NRXN3: variants seen among roughly 807,000 people sequenced by gnomAD.
NRXN3 encodes the protein neurexin III.
In NRXN3, 32 loss-of-function variants were observed where a neutral mutation model predicts 137.6. The observed-to-expected ratio is 0.23, with a 90% confidence interval of 0.18 to 0.31. NRXN3 has a LOEUF of 0.31. Ranked by LOEUF, NRXN3 falls within the 10% of genes least tolerant of loss-of-function variation. The probability of loss-of-function intolerance (pLI) is 1.00; values close to 1 mark genes in which losing one functional copy is unlikely to be tolerated. For missense variants in NRXN3, 1,574 were observed against 2,062.5 expected, an observed-to-expected ratio of 0.76 and a Z score of 4.59; for synonymous variants, 798 against 784.5, an observed-to-expected ratio of 1.02 and a Z score of -0.29.
At chr14:79,666,969 C>T (rs2098561356) in intron 17 of NRXN3, among the ~76,000 whole-genome samples, 2 of 151,872 alleles carry the variant, frequency 1.3e-5, no homozygotes, top group African/African-American at 2.4e-5. Flanking sequence ...GTTTATGTTC[C>T]ACTCTGCCAA....
intron 6 of NRXN3, among the ~76,000 whole-genome samples, chr14:78,671,993 G>A (rs2097940942): frequency 6.6e-6 from 1 of 152,134 alleles, no homozygotes; most frequent in Non-Finnish European, 1.5e-5. Context: ...TCCTTTCAAA[G>A]CAGCTTGCCA....
chr14:78,693,656 CGTGTGTGTGTGTGTGTGTGT>C lies in NRXN3; in HGVS notation c.1222-15524_1222-15505del, dbSNP rs4016744. ...TGCAATAGCTTTTCAAGTTGATTTT[CGTGTGTGTGTGTGTGTGTGT>C]GTGTGTGTGTGTGTGTGTGTGTGTG... On this transcript the variant is annotated intron_variant, in intron 6 of 20. Transcript: ENST00000335750. Among the ~76,000 whole-genome samples the C allele has an allele frequency of 3.4e-3, 390 of 113,992 alleles. 5 individuals are homozygous for C. Among genetic ancestry groups the C allele is most frequent in the African/African-American group, 7.8e-3 (238 of 30,674 alleles). The allele number at this position is 113,992 out of a possible 152,430, so 74.8% of individuals were successfully genotyped here.
At chr14:78,317,904 A>G (rs1332448874) in intron 4 of NRXN3, among the ~76,000 whole-genome samples, 5 of 152,216 alleles carry the variant, frequency 3.3e-5, no homozygotes, top group South Asian at 2.1e-4. Context: ...AAAATGCACT[A>G]AAGAGTTGGT....
At chr14:79,633,146 G>A (rs1351905652) in intron 16 of NRXN3, 2 of 152,134 alleles carry the variant, frequency 1.3e-5, no homozygotes, top group Admixed American at 6.5e-5. Flanking sequence ...CTGCCTTCCC[G>A]TGGTATCATT....
intron 20 of NRXN3, among the ~76,000 whole-genome samples, chr14:79,832,774 T>G (rs1327835150): frequency 6.6e-6 from 1 of 152,182 alleles, no homozygotes; most frequent in East Asian, 1.9e-4. Context: ...AAAAAAAACA[T>G]AAATTGCCCT....
chr14:79,127,591 G>C (rs1257049045), intron 15 of NRXN3, among the ~76,000 whole-genome samples: 1 of 152,220 alleles, frequency 6.6e-6, no homozygotes, highest in Non-Finnish European at 1.5e-5. Context: ...TTGTAGTATA[G>C]TTTGAAGTCA....
At chr14:79,725,208 T>C (rs145247912) in intron 19 of NRXN3, among the ~76,000 whole-genome samples, 1 of 152,304 alleles carries the variant, frequency 6.6e-6, no homozygotes, top group African/African-American at 2.4e-5. Context: ...GGGCAAACAT[T>C]GGCTGCGGGC....
intron 3 of NRXN3, among the ~76,000 whole-genome samples, chr14:78,285,483 C>T (rs1040533903): frequency 6.6e-6 from 1 of 152,126 alleles, no homozygotes; most frequent in East Asian, 1.9e-4. Flanking sequence ...ATAAGTACCT[C>T]ACTGATACAA....
At chr14:79,092,521 A>C (rs998222082) in intron 15 of NRXN3, among the ~76,000 whole-genome samples, 4 of 152,164 alleles carry the variant, frequency 2.6e-5, no homozygotes, top group Non-Finnish European at 5.9e-5. Flanking sequence ...TAAAAGTTTT[A>C]GTTTTAATAA....
intron 15 of NRXN3, among the ~76,000 whole-genome samples, chr14:79,127,181 T>G (rs535358323): frequency 2.8e-4 from 43 of 152,200 alleles, no homozygotes; most frequent in Non-Finnish European, 5.4e-4. Context: ...TTAGTTTAAT[T>G]AGATCCCATT....
chr14:79,286,356 T>C (rs1211008012), intron 15 of NRXN3, among the ~76,000 whole-genome samples: 2 of 152,100 alleles, frequency 1.3e-5, no homozygotes, highest in East Asian at 3.9e-4. Context: ...TAACTAAGTA[T>C]AAATTTCTCG....
intron 15 of NRXN3, among the ~76,000 whole-genome samples, chr14:79,176,361 G>T (rs2062345327): frequency 6.6e-6 from 1 of 152,090 alleles, no homozygotes; most frequent in South Asian, 2.1e-4. Context: ...TTAAATAATT[G>T]AATTAGAATG....
intron 20 of NRXN3, among the ~76,000 whole-genome samples, chr14:79,835,420 A>G (rs1235947454): frequency 4.6e-5 from 7 of 152,142 alleles, no homozygotes; most frequent in Non-Finnish European, 8.8e-5. Context: ...CCTCTGTACC[A>G]TAACGCTTTT....
chr14:78,468,035 T>A (rs2095164089), intron 4 of NRXN3, among the ~76,000 whole-genome samples: 1 of 152,170 alleles, frequency 6.6e-6, no homozygotes, highest in African/African-American at 2.4e-5. Context: ...GCAATTCTCC[T>A]GCCTCAGCCT....
At chr14:79,287,539 A>G (rs12587509) in intron 15 of NRXN3, among the ~76,000 whole-genome samples, 16,069 of 152,202 alleles carry the variant, frequency 0.11, 1,076 homozygotes, top group East Asian at 0.33. Context: ...AGGTGTTTTT[A>G]GGGACAACTA....
rs1208339976 is a variant in NRXN3, at chr14:79,791,474, A to ATATTGTAATAATTATAATTAAT, written c.4015-13634_4015-13613dup. The stretch of plus-strand genomic sequence containing the variant: ...AATAAATAATTATAATAATAATTAT[A>ATATTGTAATAATTATAATTAAT]TATTGTAATAATTATAATTAATTAT... On this transcript the variant is annotated intron_variant, in intron 19 of 20. Transcript: ENST00000335750. Among the ~76,000 whole-genome samples, 154 of 146,864 alleles carry ATATTGTAATAATTATAATTAAT rather than the reference A, an allele frequency of 1.0e-3. 2 individuals are homozygous for ATATTGTAATAATTATAATTAAT. The highest frequency in any genetic ancestry group is 1.7e-3 in the African/African-American group (68 of 40,680).
At chr14:79,706,600 T>TAAAC (rs960751711) in intron 19 of NRXN3, among the ~76,000 whole-genome samples, 1 of 152,058 alleles carries the variant, frequency 6.6e-6, no homozygotes. Flanking sequence ...CTCTTATCTG[T>TAAAC]AAACACTGTG....
At chr14:79,677,837 G>A (rs2098648837) in intron 17 of NRXN3, among the ~76,000 whole-genome samples, 1 of 152,098 alleles carries the variant, frequency 6.6e-6, no homozygotes, top group Admixed American at 6.6e-5. Flanking sequence ...TCCATTTCCA[G>A]TAGTTGTATG....
chr14:79,071,105 C>A (rs920186811), intron 15 of NRXN3, among the ~76,000 whole-genome samples: 1 of 151,346 alleles, frequency 6.6e-6, no homozygotes, highest in Non-Finnish European at 1.5e-5. Context: ...CAGTGGACTT[C>A]TTGAAAATCC....
Sources: gnomAD v4.1 joint callset for allele counts (sites outside exome capture counted in the v4.1 genomes callset) on GRCh38, gnomAD v4.1.1 for gene constraint, MANE v1.5 for transcripts, NCBI Gene and HGNC (gene_info 2026-07-23, HGNC 2026-07-21) for gene names.